STARD13: variants seen among roughly 807,000 people sequenced by gnomAD.
STARD13 encodes stAR-related lipid transfer protein 13.
STARD13 carries 62 observed loss-of-function variants against 106.4 expected under a neutral mutation model. That is an observed-to-expected ratio of 0.58 (90% CI 0.48 to 0.72). The LOEUF (loss-of-function observed/expected upper bound fraction) is 0.72, where lower values mean the gene tolerates loss of function less well. Ranked by LOEUF, STARD13 falls within the 30% of genes least tolerant of loss-of-function variation. The pLI, the probability that STARD13 is intolerant of heterozygous loss-of-function variation, is 0.00. For synonymous variants in STARD13, 565 were observed against 553.0 expected (o/e 1.02, Z -0.31); for missense variants, 1,387 against 1,424.0 (o/e 0.97, Z 0.42).
At chr13:33,594,007 C>T in the STARD13 span, among the ~76,000 whole-genome samples, 9 of 151,988 alleles carry the variant, frequency 5.9e-5, no homozygotes, top group South Asian at 4.1e-4. Context: ...CCCGGGTTCA[C>T]GCCGTTCTCC....
chr13:33,399,700 CAAAAAAAAAAA>C, the STARD13 span, among the ~76,000 whole-genome samples: 7 of 26,988 alleles, frequency 2.6e-4, no homozygotes, highest in South Asian at 0.023. Context: ...GACTCTGTCT[CAAAAAAAAAAA>C]AAAAAAAAAA....
the STARD13 span, among the ~76,000 whole-genome samples, chr13:33,375,724 C>G: frequency 6.6e-6 from 1 of 152,118 alleles, no homozygotes; most frequent in Non-Finnish European, 1.5e-5. Flanking sequence ...GAGTCAATTA[C>G]CTCCCACTGG....
chr13:33,538,161 A>G, the STARD13 span, among the ~76,000 whole-genome samples: 2 of 152,218 alleles, frequency 1.3e-5, no homozygotes, highest in African/African-American at 4.8e-5. Flanking sequence ...GTGAAGAACT[A>G]GGGAAATCTG....
At chr13:33,362,334 A>G in the STARD13 span, among the ~76,000 whole-genome samples, 1 of 152,096 alleles carries the variant, frequency 6.6e-6, no homozygotes, top group Admixed American at 6.5e-5. Context: ...AGATGGTGCT[A>G]AACTATTCAT....
At chr13:33,448,993 T>G in the STARD13 span, among the ~76,000 whole-genome samples, 2 of 152,058 alleles carry the variant, frequency 1.3e-5, no homozygotes, top group Non-Finnish European at 2.9e-5. Context: ...TAACGCCTCA[T>G]CAGATGCATA....
chr13:33,304,913 G>A (rs1381676574), intron 1 of STARD13, among the ~76,000 whole-genome samples: 1 of 152,178 alleles, frequency 6.6e-6, no homozygotes, highest in Non-Finnish European at 1.5e-5. Flanking sequence ...AGAATGCAAT[G>A]GTGAACAAAA....
At chr13:33,108,676 G>A (rs934427091) in intron 12 of STARD13, among the ~76,000 whole-genome samples, 1 of 152,166 alleles carries the variant, frequency 6.6e-6, no homozygotes, top group African/African-American at 2.4e-5. Context: ...ATAGCAGGCT[G>A]GTGGGGTTGC....
chr13:33,412,056 A>G, the STARD13 span, among the ~76,000 whole-genome samples: 1 of 152,248 alleles, frequency 6.6e-6, no homozygotes, highest in Non-Finnish European at 1.5e-5. Context: ...TAAGACTTTC[A>G]TTCTCCTCTT....
intron 1 of STARD13, among the ~76,000 whole-genome samples, chr13:33,192,296 CTTAA>C (rs1270988490): frequency 6.6e-6 from 1 of 152,166 alleles, no homozygotes; most frequent in Non-Finnish European, 1.5e-5. Flanking sequence ...TCTCTTATTC[CTTAA>C]TTAATTAATC....
At position 33,115,487 on chromosome 13, in the gene STARD13, G is replaced by A. The variant is rs190117398; in HGVS notation, c.2282-2556C>T. ...CACTGTGCTGATGGACTTTCTCCCT[G>A]TAGCAGATACAAGGCTGGCCACCTG... On this transcript the variant is annotated intron_variant, in intron 8 of 13. Transcript: ENST00000336934. Among the ~76,000 whole-genome samples, 21 of 152,304 alleles carry A rather than the reference G, an allele frequency of 1.4e-4. No individual in the cohort carries two copies. In the East Asian group the frequency reaches 4.1e-3, roughly 29 times the overall value.
intron 1 of STARD13, among the ~76,000 whole-genome samples, chr13:33,230,858 C>T (rs143560811): frequency 1.3e-3 from 197 of 152,330 alleles, no homozygotes; most frequent in Admixed American, 6.8e-3. Context: ...ACCATAACTG[C>T]AAGATGCTAA....
At chr13:33,664,868 C>A in the STARD13 span, among the ~76,000 whole-genome samples, 14 of 152,206 alleles carry the variant, frequency 9.2e-5, no homozygotes, top group Admixed American at 9.2e-4. Flanking sequence ...CCTCATGATC[C>A]GCCCGCCTCG....
At chr13:33,469,797 C>T in the STARD13 span, among the ~76,000 whole-genome samples, 986 of 152,142 alleles carry the variant, frequency 6.5e-3, 10 homozygotes, top group African/African-American at 0.021. Context: ...TCCTGGTCAC[C>T]TGATCACAGA....
intron 1 of STARD13, among the ~76,000 whole-genome samples, chr13:33,263,813 C>A (rs1375777298): frequency 6.6e-6 from 1 of 152,164 alleles, no homozygotes; most frequent in Non-Finnish European, 1.5e-5. Flanking sequence ...GACAGGAACC[C>A]AGCATTACTG....
chr13:33,287,542 T>A (rs545306255), upstream of STARD13, among the ~76,000 whole-genome samples: 1 of 152,174 alleles, frequency 6.6e-6, no homozygotes, highest in Non-Finnish European at 1.5e-5. Flanking sequence ...TTCTGTTCCA[T>A]AGCATCGTCT....
Position 33,185,883 on chromosome 13 carries a change from C to A in STARD13, c.170-18261G>T, listed in dbSNP as rs201028376. The A allele has an allele frequency of 2.0e-5, 33 of 1,614,082 alleles. 1 individual carries two copies. In the South Asian group the frequency reaches 3.4e-4, roughly 17 times the overall value. On this transcript the variant is annotated intron_variant, in intron 1 of 13. Coordinates refer to ENST00000336934, the MANE Select transcript of STARD13 (RefSeq NM_178006.4). ...CCTTCTGATCCAGCACTTACCCCGG[C>A]GCTGGAATGTGTGGTTCACTCTGCT...
At chr13:33,520,947 A>G in the STARD13 span, among the ~76,000 whole-genome samples, 1 of 152,116 alleles carries the variant, frequency 6.6e-6, no homozygotes, top group Admixed American at 6.6e-5. Context: ...ATATTCCTTC[A>G]TTCTTACTTA....
At chr13:33,662,741 A>C in the STARD13 span, among the ~76,000 whole-genome samples, 1 of 152,238 alleles carries the variant, frequency 6.6e-6, no homozygotes, top group Admixed American at 6.5e-5. Context: ...TAAAGATCAC[A>C]CAAGGTTAAA....
intron 1 of STARD13, among the ~76,000 whole-genome samples, chr13:33,262,662 A>AACACACACACACAC: frequency 8.7e-6 from 1 of 114,982 alleles, no homozygotes; most frequent in African/African-American, 3.3e-5. Context: ...ACACACACAC[A>AACACACACACACAC]ACACACACAC....
Sources: gnomAD v4.1 joint callset for allele counts (sites outside exome capture counted in the v4.1 genomes callset) on GRCh38, gnomAD v4.1.1 for gene constraint, MANE v1.5 for transcripts, NCBI Gene and HGNC (gene_info 2026-07-23, HGNC 2026-07-21) for gene names.